SLAMF1: variants seen among roughly 807,000 people sequenced by gnomAD.
SLAMF1 encodes signaling lymphocytic activation molecule family member 1, also known as signaling lymphocytic activation molecule.
A neutral mutation model predicts 35.1 loss-of-function variants in SLAMF1; 18 were observed. The ratio of observed to expected loss-of-function variants is 0.51; its 90% CI spans 0.35 to 0.76. The LOEUF (loss-of-function observed/expected upper bound fraction) is 0.76. SLAMF1 is among the 30% of genes least tolerant of loss of function. The pLI is 0.01. For missense variants in SLAMF1, 392 were observed against 413.0 expected, an observed-to-expected ratio of 0.95 and a Z score of 0.44; for synonymous variants, 168 against 157.2, an observed-to-expected ratio of 1.07 and a Z score of -0.51.
At chr1:160,619,701 A>T in intron 5 of SLAMF1, 75 bp downstream of exon 5, 2 of 964,282 alleles carry the variant, frequency 2.1e-6, no homozygotes, top group Non-Finnish European at 3.4e-6. Context: ...GTGAATGTCC[A>T]ACAGGCAAGG....
At chr1:160,639,771 C>T (rs190004992) in intron 1 of SLAMF1, among the ~76,000 whole-genome samples, 2 of 152,246 alleles carry the variant, frequency 1.3e-5, no homozygotes, top group African/African-American at 2.4e-5. Context: ...TAGAATAAAA[C>T]CATAGTCCAT....
chr1:160,642,704 A>G lies in SLAMF1; in HGVS notation c.76+4166T>C, dbSNP rs1258601635. Among the ~76,000 whole-genome samples the G allele has an allele frequency of 6.6e-6, 1 of 152,230 alleles. No homozygotes were observed. Among genetic ancestry groups the G allele is most frequent in the Non-Finnish European group, 1.5e-5 (1 of 68,048 alleles). On this transcript the variant is annotated intron_variant, in intron 1 of 6. Coordinates refer to ENST00000302035, the MANE Select transcript of SLAMF1 (RefSeq NM_003037.5). The surrounding 1 kb of genome is among the most constrained non-coding windows in gnomAD (Gnocchi z 4.2). ...AGAATGTACTCTGATTTGCCTTTAT[A>G]GTATCCCTAAGAGGTATATTATGGA...
At chr1:160,621,855 C>CGCGTGTGTGTGT (rs1659628429) in intron 4 of SLAMF1, among the ~76,000 whole-genome samples, 1 of 145,210 alleles carries the variant, frequency 6.9e-6, no homozygotes, top group African/African-American at 2.6e-5. Context: ...TGCGTGAGTG[C>CGCGTGTGTGTGT]GTGTGTGTGT....
rs755399338 is a variant in SLAMF1, at chr1:160,610,377, T to C, written c.*371A>G. 5 of 462,832 alleles carry C rather than the reference T, an allele frequency of 1.1e-5. No homozygotes were observed. The highest frequency in any genetic ancestry group is 4.7e-5 in the Admixed American group (2 of 42,718). 28.7% of individuals were successfully genotyped at this position (462,832 alleles called of 1,614,324 possible). ...GTGACTGGTGGTCCAGTGTGTGAGA[T>C]AGGTACTCAGATGTCCTGGCTTTCA... On this transcript the variant is annotated 3_prime_UTR_variant, in exon 7 of 7. Transcript: ENST00000302035.
rs1229741279 is a variant in SLAMF1, at chr1:160,642,120, C to CT, written c.77-4592dup. ...TCTTTCAGGTACAGAAGGAACAGAA[C>CT]TTACAGACCCCACAGTTCTTTTGGT... On this transcript the variant is annotated intron_variant, in intron 1 of 6. Coordinates refer to ENST00000302035, the MANE Select transcript of SLAMF1 (RefSeq NM_003037.5). The surrounding 1 kb of genome is among the most constrained non-coding windows in gnomAD (Gnocchi z 4.2). 6.6e-6 allele frequency among the ~76,000 whole-genome samples: 1 copy of CT among 152,180 alleles called. No homozygotes were observed. Among genetic ancestry groups the CT allele is most frequent in the Non-Finnish European group, 1.5e-5 (1 of 68,018 alleles).
intron 3 of SLAMF1, 38 bp downstream of exon 3, chr1:160,634,575 C>T: frequency 6.4e-7 from 1 of 1,557,112 alleles, no homozygotes. Flanking sequence ...AGCCCATGCT[C>T]ATTAAGGTGG....
chr1:160,639,871 G>A (rs1197637378), intron 1 of SLAMF1, among the ~76,000 whole-genome samples: 2 of 151,528 alleles, frequency 1.3e-5, no homozygotes, highest in African/African-American at 2.4e-5. Flanking sequence ...ACTGTGCTAC[G>A]GCCACACTGG....
At chr1:160,614,157 T>C (rs1412215191) in intron 5 of SLAMF1, among the ~76,000 whole-genome samples, 1 of 152,196 alleles carries the variant, frequency 6.6e-6, no homozygotes, top group East Asian at 1.9e-4. Flanking sequence ...CAAGCAGTAA[T>C]TGGGTGGTTC....
chr1:160,623,219 T>C (rs570319472), intron 4 of SLAMF1, among the ~76,000 whole-genome samples: 1 of 152,278 alleles, frequency 6.6e-6, no homozygotes, highest in South Asian at 2.1e-4. Flanking sequence ...TATTTCCTTA[T>C]AGTATGAGCT....
At chr1:160,644,419 G>A (rs1243795948) in intron 1 of SLAMF1, among the ~76,000 whole-genome samples, 3 of 152,216 alleles carry the variant, frequency 2.0e-5, no homozygotes, top group African/African-American at 7.2e-5. Context: ...TAGGGTTGGT[G>A]TGAAAATGAA....
intron 5 of SLAMF1, chr1:160,615,662 CA>C (rs1239388097): frequency 1.4e-4 from 33 of 236,216 alleles, no homozygotes; most frequent in Non-Finnish European, 2.4e-4. Flanking sequence ...GGCAGAATGT[CA>C]AAATGTGACT....
At chr1:160,610,964 C>G (rs1381370056) in intron 6 of SLAMF1, among the ~76,000 whole-genome samples, 166 bp from the exon 7 acceptor site, 1 of 152,252 alleles carries the variant, frequency 6.6e-6, no homozygotes, top group Non-Finnish European at 1.5e-5. Flanking sequence ...GGTTCCCACA[C>G]TGCTTCTCCA....
intron 3 of SLAMF1, among the ~76,000 whole-genome samples, chr1:160,630,220 A>C (rs1202406790): frequency 6.6e-6 from 1 of 152,224 alleles, no homozygotes; most frequent in Non-Finnish European, 1.5e-5. Flanking sequence ...CACATGACCT[A>C]GCCAGAGTAC....
intron 1 of SLAMF1, among the ~76,000 whole-genome samples, chr1:160,640,860 C>T (rs1042484971): frequency 6.6e-6 from 1 of 152,148 alleles, no homozygotes; most frequent in African/African-American, 2.4e-5. Context: ...AGAGTGCTCT[C>T]CCCTGCTGCT....
rs991113184 is a variant in SLAMF1 at position 160,610,517 on chromosome 1, G to A, written c.*231C>T. On this transcript the variant is annotated 3_prime_UTR_variant, in exon 7 of 7. Transcript: ENST00000302035. The stretch of plus-strand genomic sequence containing the variant: ...AGATGGAACGCTGTTATCAAGTAAC[G>A]CTCTGTTCTGCGCCTGCAGCCACTG... 9 of 565,622 alleles carry A rather than the reference G, an allele frequency of 1.6e-5. No homozygotes were observed. The highest frequency in any genetic ancestry group is 2.7e-5 in the Admixed American group (1 of 36,742). The allele number at this position is 565,622 out of a possible 1,614,324, so 35.0% of individuals were successfully genotyped here.
intron 1 of SLAMF1, among the ~76,000 whole-genome samples, chr1:160,639,501 A>G (rs1273576171): frequency 6.6e-6 from 1 of 152,180 alleles, no homozygotes; most frequent in Non-Finnish European, 1.5e-5. Flanking sequence ...TGCTGGGATT[A>G]CAGGCATGAG....
intron 5 of SLAMF1, among the ~76,000 whole-genome samples, 179 bp from the exon 6 acceptor site, chr1:160,612,759 C>T (rs1809963): frequency 6.6e-6 from 1 of 152,044 alleles, no homozygotes; most frequent in Non-Finnish European, 1.5e-5. Context: ...CTCAATTCCC[C>T]AGGCTTTGCT....
In SLAMF1 at chr1:160,614,058, A is replaced by C. The variant is rs116215009; in HGVS notation, c.865-1478T>G. On this transcript the variant is annotated intron_variant, in intron 5 of 6. Coordinates refer to ENST00000302035, the MANE Select transcript of SLAMF1 (RefSeq NM_003037.5). ...GATTCTGCATTTCTAATAAAGTCCC[A>C]GGTGATGCTGATGCTGCTTGTTCAC... 9.4e-3 allele frequency among the ~76,000 whole-genome samples: 1,427 copies of C among 152,332 alleles called. 26 individuals are homozygous for C. The highest frequency in any genetic ancestry group is 0.032 in the African/African-American group (1,336 of 41,572).
At chr1:160,639,039 C>A (rs1177812989) in intron 1 of SLAMF1, among the ~76,000 whole-genome samples, 2 of 152,184 alleles carry the variant, frequency 1.3e-5, no homozygotes, top group Non-Finnish European at 2.9e-5. Context: ...ATCTCCCAAC[C>A]AAAACCTTCA....
Sources: gnomAD v4.1 joint callset for allele counts (sites outside exome capture counted in the v4.1 genomes callset) on GRCh38, gnomAD v4.1.1 for gene constraint, Gnocchi (gnomAD v3.1) non-coding constraint, MANE v1.5 for transcripts, NCBI Gene and HGNC (gene_info 2026-07-23, HGNC 2026-07-21) for gene names.